ENOX1: variants seen among roughly 807,000 people sequenced by gnomAD.
ENOX1 encodes candidate growth-related and time keeping constitutive hydroquinone (NADH) oxidase.
In ENOX1, 42 loss-of-function variants were observed where a neutral mutation model predicts 82.5. That is an observed-to-expected ratio of 0.51 (90% CI 0.40 to 0.66). The LOEUF is 0.66. Ranked by LOEUF, ENOX1 falls within the 30% of genes least tolerant of loss-of-function variation. ENOX1 has a pLI of 0.00. For missense variants in ENOX1, 608 were observed against 811.6 expected (o/e 0.75, Z 3.05); for synonymous variants, 271 against 282.2 (o/e 0.96, Z 0.40).
intron 1 of ENOX1, among the ~76,000 whole-genome samples, chr13:43,733,452 T>G (rs1456522290): frequency 1.3e-5 from 2 of 152,176 alleles, no homozygotes; most frequent in African/African-American, 4.8e-5. Context: ...TTTACAAACA[T>G]GTCAGAAGCA....
intron 1 of ENOX1, among the ~76,000 whole-genome samples, chr13:43,677,041 A>C (rs188933595): frequency 6.6e-6 from 1 of 152,130 alleles, no homozygotes; most frequent in East Asian, 1.9e-4. Flanking sequence ...AGACCCTTCA[A>C]CAAGGCCTTA....
rs138394086 is a variant in ENOX1, at chr13:43,400,227, C to G, written c.208+11689G>C. Among the ~76,000 whole-genome samples, 1,238 of 152,256 alleles carry G rather than the reference C, an allele frequency of 8.1e-3. 22 individuals are homozygous for G. The highest frequency in any genetic ancestry group is 0.028 in the African/African-American group (1,166 of 41,552). On this transcript the variant is annotated intron_variant, in intron 5 of 16. Transcript: ENST00000690772. The stretch of plus-strand genomic sequence containing the variant: ...TTCTGGTCAGCTTCCTGTCTCTCCC[C>G]CAGTGAAACCTTCAAGGGTTCTCCC...
At chr13:43,543,788 C>T (rs1327338324) in intron 2 of ENOX1, 2 of 146,300 alleles carry the variant, frequency 1.4e-5, no homozygotes, top group Non-Finnish European at 3.0e-5. Flanking sequence ...GATCACTGAG[C>T]TTTTAAAGAT....
rs369923274 is a variant in ENOX1, at chr13:43,762,935, G to A, written c.-285+23717C>T. 2.0e-5 allele frequency among the ~76,000 whole-genome samples: 3 copies of A among 152,160 alleles called. No individual in the cohort carries two copies. The East Asian group carries it at 5.8e-4, about 29-fold the overall frequency. On this transcript the variant is annotated intron_variant, in intron 1 of 16. Transcript: ENST00000690772. ...CTAATGGAAGTTAATCAATGCAATG[G>A]ATAGCTGAAAAAGGCAAACTGTGTA... is the stretch of plus-strand genomic sequence containing the variant.
At chr13:43,396,071 C>T (rs1027096391) in intron 5 of ENOX1, among the ~76,000 whole-genome samples, 2 of 152,166 alleles carry the variant, frequency 1.3e-5, no homozygotes, top group South Asian at 4.2e-4. Context: ...TGCTCTTTTC[C>T]AAAGATTGCT....
intron 9 of ENOX1, among the ~76,000 whole-genome samples, chr13:43,329,112 C>A (rs2048281560): frequency 6.6e-6 from 1 of 152,186 alleles, no homozygotes; most frequent in Admixed American, 6.5e-5. Flanking sequence ...GCCTGCTTGG[C>A]AGAGAAGGCA....
intron 9 of ENOX1, among the ~76,000 whole-genome samples, chr13:43,330,452 A>T (rs2048353194): frequency 6.6e-6 from 1 of 152,248 alleles, no homozygotes; most frequent in African/African-American, 2.4e-5. Flanking sequence ...AAAGTTTTGC[A>T]GGTAAAGGGA....
At chr13:43,591,403 T>C (rs894930264) in intron 2 of ENOX1, among the ~76,000 whole-genome samples, 3 of 152,188 alleles carry the variant, frequency 2.0e-5, no homozygotes, top group African/African-American at 7.2e-5. Context: ...AGTCCCTCTA[T>C]ATAAACTCAA....
chr13:43,265,342 C>T (rs999988774), intron 14 of ENOX1, 56 bp downstream of exon 14: 3 of 1,456,124 alleles, frequency 2.1e-6, no homozygotes, highest in African/African-American at 2.8e-5. Flanking sequence ...GCTACATCCC[C>T]ATGTGTTCAA....
In ENOX1 at chr13:43,728,567, G is replaced by A. The variant is rs555231517; in HGVS notation, c.-285+58085C>T. Among the ~76,000 whole-genome samples, 6 of 152,270 alleles carry A rather than the reference G, an allele frequency of 3.9e-5. No homozygotes were observed. In the East Asian group the frequency reaches 9.7e-4, roughly 25 times the overall value. The stretch of plus-strand genomic sequence containing the variant: ...GTTTCCCAAAATGTGCACTGAGACC[G>A]AGGGCTCTCTGGGATGGTAATAGAT... On this transcript the variant is annotated intron_variant, in intron 1 of 16. Coordinates refer to ENST00000690772, the MANE Select transcript of ENOX1 (RefSeq NM_001347969.2).
chr13:43,668,052 G>A (rs2085072230), intron 1 of ENOX1, among the ~76,000 whole-genome samples: 1 of 152,120 alleles, frequency 6.6e-6, no homozygotes, highest in African/African-American at 2.4e-5. Context: ...TTTCTCTCAG[G>A]AAATTTGTTG....
intron 2 of ENOX1, among the ~76,000 whole-genome samples, chr13:43,628,745 C>T (rs944363724): frequency 2.7e-4 from 41 of 152,312 alleles, no homozygotes; most frequent in African/African-American, 9.4e-4. Flanking sequence ...TTTTCACTGG[C>T]TTTTCCTGAC....
intron 11 of ENOX1, among the ~76,000 whole-genome samples, chr13:43,307,842 A>G (rs2046954703): frequency 6.6e-6 from 1 of 152,256 alleles, no homozygotes; most frequent in Non-Finnish European, 1.5e-5. Context: ...AGTTTCTGCT[A>G]TGGCAGGCTT....
At chr13:43,756,608 A>C (rs1158839144) in intron 1 of ENOX1, among the ~76,000 whole-genome samples, 1 of 152,160 alleles carries the variant, frequency 6.6e-6, no homozygotes, top group East Asian at 1.9e-4. Context: ...TTTTATGTGC[A>C]TCCGTGTGTC....
At chr13:43,575,348 G>A (rs932911669) in intron 2 of ENOX1, among the ~76,000 whole-genome samples, 11 of 152,126 alleles carry the variant, frequency 7.2e-5, no homozygotes, top group African/African-American at 1.4e-4. Flanking sequence ...GTGGAAAGTC[G>A]GCCAAAATGA....
chr13:43,606,001 T>C (rs1477888703), intron 2 of ENOX1, among the ~76,000 whole-genome samples: 1 of 152,118 alleles, frequency 6.6e-6, no homozygotes, highest in East Asian at 1.9e-4. Context: ...GCAAAAGATC[T>C]GAATAGACAC....
intron 2 of ENOX1, among the ~76,000 whole-genome samples, chr13:43,610,668 C>T (rs1012829291): frequency 1.3e-4 from 19 of 151,982 alleles, no homozygotes; most frequent in African/African-American, 4.6e-4. Context: ...AGAGGTAACT[C>T]TCACAGATAT....
chr13:43,246,377 GAGGGCTGCCTAT>G (rs1029959736), intron 14 of ENOX1, among the ~76,000 whole-genome samples: 1 of 152,214 alleles, frequency 6.6e-6, no homozygotes. Flanking sequence ...AATCCCTCCT[GAGGGCTGCCTAT>G]AGTCCTAGCT....
chr13:43,753,924 T>G (rs1950455081), intron 1 of ENOX1, among the ~76,000 whole-genome samples: 1 of 46,520 alleles, frequency 2.1e-5, no homozygotes. Context: ...CCAGATTTCC[T>G]TAATAGGAAT....
Sources: allele counts gnomAD v4.1 joint callset (sites outside exome capture counted in the v4.1 genomes callset), GRCh38; gene constraint gnomAD v4.1.1; transcripts MANE v1.5; gene names NCBI Gene and HGNC (gene_info 2026-07-23, HGNC 2026-07-21).